The following PRSS3 variants were observed in gnomAD, a reference collection of about 807,000 sequenced individuals.
PRSS3 encodes trypsin-3.
A neutral mutation model predicts 20.8 loss-of-function variants in PRSS3; 14 were observed. The ratio of observed to expected loss-of-function variants is 0.67; its 90% CI spans 0.44 to 1.05. PRSS3 has a LOEUF of 1.05. PRSS3 is among the 50% of genes least tolerant of loss of function. PRSS3 has a pLI of 0.00. For synonymous variants in PRSS3, 91 were observed against 117.6 expected, an observed-to-expected ratio of 0.77 and a Z score of 1.46; for missense variants, 237 against 306.4, an observed-to-expected ratio of 0.77 and a Z score of 1.69.
chr9:33,788,731 T>C (rs188022537), intron 1 of PRSS3, among the ~76,000 whole-genome samples: 2 of 152,350 alleles, frequency 1.3e-5, no homozygotes, highest in African/African-American at 2.4e-5. Context: ...TTGGTATACC[T>C]GATTGTTGTC....
chr9:33,763,720 G>T (rs1259578632), intron 1 of PRSS3, among the ~76,000 whole-genome samples: 2 of 149,380 alleles, frequency 1.3e-5, no homozygotes, highest in East Asian at 3.9e-4. Flanking sequence ...AAAAAAAAAG[G>T]TGGAAATGAT....
At chr9:33,788,112 TG>T (rs1465328305) in intron 1 of PRSS3, among the ~76,000 whole-genome samples, 1 of 152,212 alleles carries the variant, frequency 6.6e-6, no homozygotes, top group Non-Finnish European at 1.5e-5. Context: ...TAGAAGGGAC[TG>T]GAACAGAGCC....
At chr9:33,776,293 A>G (rs1230997555) in intron 1 of PRSS3, among the ~76,000 whole-genome samples, 1 of 152,248 alleles carries the variant, frequency 6.6e-6, no homozygotes, top group Non-Finnish European at 1.5e-5. Context: ...AGACACACAT[A>G]GGATGATGTT....
chr9:33,753,744 A>G (rs1822801823), intron 1 of PRSS3, among the ~76,000 whole-genome samples: 1 of 152,264 alleles, frequency 6.6e-6, no homozygotes. Flanking sequence ...TCAGATAAAC[A>G]TCTGAAAAAG....
chr9:33,762,249 C>T (rs1274621349), intron 1 of PRSS3: 3 of 152,190 alleles, frequency 2.0e-5, no homozygotes, highest in South Asian at 4.1e-4. Flanking sequence ...TCTGGTCTTA[C>T]TCCTTCTGAC....
chr9:33,766,293 G>C (rs1011095908), intron 1 of PRSS3, among the ~76,000 whole-genome samples: 1 of 137,514 alleles, frequency 7.3e-6, no homozygotes, highest in Admixed American at 7.6e-5. Context: ...AAAAAAAGGA[G>C]CCGGGGGCGG....
At chr9:33,798,760 G>C in intron 4 of PRSS3, 138 bp downstream of exon 4, 1 of 1,401,280 alleles carries the variant, frequency 7.1e-7, no homozygotes, top group Non-Finnish European at 9.9e-7. Flanking sequence ...AGGTGGCGGG[G>C]CTGAGGCGGC....
upstream of PRSS3, among the ~76,000 whole-genome samples, chr9:33,792,280 G>A (rs1324406909): frequency 6.6e-6 from 1 of 152,124 alleles, no homozygotes; most frequent in African/African-American, 2.4e-5. Flanking sequence ...GGAACCCAAG[G>A]AGGAGTTGAC....
chr9:33,798,548 G>T lies in PRSS3; in HGVS notation c.517G>T (p.Ala173Ser), dbSNP rs895560521. ...GGTGCTGACCCAGGCTGAGTGTAAAGCCTCCTACCCTGGAAAGATTACCAA... is the reference window on the plus strand; with the variant it reads ...GGTGCTGACCCAGGCTGAGTGTAAATCCTCCTACCCTGGAAAGATTACCAA... The part of the protein sequence containing the change: ...APVLTQAECK[A>S]SYPGKITNSM... The change falls in exon 4 of 5, where the codon GCC becomes TCC. Residue 173 changes from alanine (A) to serine (S), a missense_variant. Transcript: ENST00000379405. 1.2e-6 allele frequency: 2 copies of T among 1,614,030 alleles called. No individual in the cohort carries two copies. Among genetic ancestry groups the T allele is most frequent in the Non-Finnish European group, 1.7e-6 (2 of 1,180,034 alleles).
chr9:33,761,478 G>A (rs569736913), intron 1 of PRSS3, among the ~76,000 whole-genome samples: 34 of 152,126 alleles, frequency 2.2e-4, no homozygotes, highest in Non-Finnish European at 2.2e-4. Context: ...AGGTGGAGGC[G>A]GGCAGATCAT....
upstream of PRSS3, among the ~76,000 whole-genome samples, chr9:33,790,653 T>C (rs1824590715): frequency 6.6e-6 from 1 of 152,218 alleles, no homozygotes; most frequent in Non-Finnish European, 1.5e-5. Flanking sequence ...TATATACTCA[T>C]CATTTACTGA....
intron 1 of PRSS3, chr9:33,762,167 A>T (rs1162880530): frequency 1.3e-5 from 2 of 152,218 alleles, no homozygotes; most frequent in African/African-American, 4.8e-5. Flanking sequence ...CTGGGAGGTA[A>T]CAGAGTTCTT....
chr9:33,775,700 G>GT (rs34447292), intron 1 of PRSS3, among the ~76,000 whole-genome samples: 34,891 of 128,680 alleles, frequency 0.27, 5,070 homozygotes, highest in Middle Eastern at 0.3. Flanking sequence ...TGGGCTTGAA[G>GT]TTTTTTTTTT....
chr9:33,754,090 C>G (rs537798892), intron 1 of PRSS3, among the ~76,000 whole-genome samples: 36 of 151,988 alleles, frequency 2.4e-4, no homozygotes, highest in Non-Finnish European at 2.4e-4. Flanking sequence ...CTGTCTCTCT[C>G]TCGTCTCTTT....
intron 1 of PRSS3, among the ~76,000 whole-genome samples, chr9:33,772,509 T>A (rs774470630): frequency 9.9e-5 from 15 of 152,092 alleles, no homozygotes; most frequent in Admixed American, 3.3e-4. Context: ...AGAGCCTGAG[T>A]TGCCTGAATT....
intron 1 of PRSS3, among the ~76,000 whole-genome samples, chr9:33,753,700 C>T (rs1822799074): frequency 2.6e-5 from 4 of 152,176 alleles, no homozygotes; most frequent in Admixed American, 2.6e-4. Context: ...AGCACAGTGC[C>T]CATAGCAGGC....
rs76036480 is a variant in PRSS3 at position 33,778,698 on chromosome 9, T to A, written c.-52-16048T>A. On this transcript the variant is annotated intron_variant, in intron 1 of 5. Transcript: ENST00000342836. ...TTTTAAAATATAGAAGTATAAATCA[T>A]GTCCATGGATTGTTGCAGCCTCTGC... 5.3e-3 allele frequency among the ~76,000 whole-genome samples: 804 copies of A among 152,300 alleles called. 2 individuals are homozygous for A. Among genetic ancestry groups the A allele is most frequent in the Non-Finnish European group, 8.1e-3 (550 of 68,030 alleles).
chr9:33,777,858 A>C lies in PRSS3; in HGVS notation c.-52-16888A>C, dbSNP rs560322243. On this transcript the variant is annotated intron_variant, in intron 1 of 5. Transcript: ENST00000342836. ...ATTAGTTGCAAATTTCTTATATTTT[A>C]AGTAAACTTCTACAATACAGTAAGT... 3.8e-4 allele frequency among the ~76,000 whole-genome samples: 58 copies of C among 152,304 alleles called. 1 individual carries two copies. Among genetic ancestry groups the C allele is most frequent in the African/African-American group, 1.3e-3 (55 of 41,584 alleles).
chr9:33,798,330 C>T, intron 3 of PRSS3, 156 bp from the exon 4 acceptor site: 6 of 1,320,928 alleles, frequency 4.5e-6, no homozygotes, highest in Non-Finnish European at 6.3e-6. Context: ...AATGATCATT[C>T]TGGAAACTAA....
Sources: gnomAD v4.1 joint callset for allele counts (sites outside exome capture counted in the v4.1 genomes callset) on GRCh38, gnomAD v4.1.1 for gene constraint, MANE v1.5 for transcripts, NCBI Gene and HGNC (gene_info 2026-07-23, HGNC 2026-07-21) for gene names.